The following ROR2 variants were observed in gnomAD, a reference collection of about 807,000 sequenced individuals.
The protein encoded by ROR2 is ROR family WNT receptor 2.
ROR2 carries 33 observed loss-of-function variants against 74.9 expected under a neutral mutation model. The ratio of observed to expected loss-of-function variants is 0.44; its 90% confidence interval spans 0.33 to 0.59. The LOEUF (loss-of-function observed/expected upper bound fraction) is 0.59. Among genes scored for constraint, ROR2 ranks in the 20% least tolerant of loss-of-function variants. The pLI, the probability that ROR2 is intolerant of heterozygous loss-of-function variation, is 0.02. For synonymous variants in ROR2, 586 were observed against 558.7 expected (o/e 1.05, Z -0.69); for missense variants, 1,216 against 1,313.8 (o/e 0.93, Z 1.15).
At position 91,740,394 on chromosome 9, in the gene ROR2, A is replaced by C. The variant is rs756518468; in HGVS notation, c.495-2876T>G. 9.2e-4 allele frequency among the ~76,000 whole-genome samples: 140 copies of C among 151,894 alleles called. 1 individual carries two copies. Among genetic ancestry groups the C allele is most frequent in the Non-Finnish European group, 1.2e-3 (84 of 67,976 alleles). On this transcript the variant is annotated intron_variant, in intron 4 of 8. Transcript: ENST00000375708. ...AAACCCCATCTCTACTAAAAATACA[A>C]AAACAAAATTAGCCAGGCGTAGTGG...
intron 1 of ROR2, among the ~76,000 whole-genome samples, chr9:91,826,013 G>A (rs572777470): frequency 1.3e-5 from 2 of 152,250 alleles, no homozygotes; most frequent in Non-Finnish European, 1.5e-5. Context: ...GGGTGGCTTC[G>A]CCCCCCTGCC....
intron 1 of ROR2, among the ~76,000 whole-genome samples, chr9:91,799,486 G>A (rs1443593988): frequency 6.6e-6 from 1 of 152,172 alleles, no homozygotes; most frequent in Non-Finnish European, 1.5e-5. Context: ...CAGCTATAAC[G>A]GAGTCCAGCC....
chr9:91,806,750 C>T (rs1011569267), intron 1 of ROR2, among the ~76,000 whole-genome samples: 5 of 152,196 alleles, frequency 3.3e-5, no homozygotes, highest in East Asian at 1.9e-4. Context: ...CCACCACACC[C>T]GGCTAATTTT....
intron 1 of ROR2, among the ~76,000 whole-genome samples, chr9:91,806,065 C>T (rs572187182): frequency 5.4e-4 from 82 of 152,302 alleles, no homozygotes; most frequent in Non-Finnish European, 1.0e-3. Context: ...CAAGGTAGAA[C>T]CGGCTGCTTT....
At position 91,885,253 on chromosome 9, in the gene ROR2, A is replaced by G. The variant is rs917742399; in HGVS notation, c.97+64614T>C. On this transcript the variant is annotated intron_variant, in intron 1 of 8. Coordinates refer to ENST00000375708, the MANE Select transcript of ROR2 (RefSeq NM_004560.4). ...CAGAGAACAAAGCGGGAAGGCAAACAAAGAGCAAAGGGCACCGGAAAACTT... is the reference window on the plus strand; with the variant it reads ...CAGAGAACAAAGCGGGAAGGCAAACGAAGAGCAAAGGGCACCGGAAAACTT... Among the ~76,000 whole-genome samples, 6 of 152,296 alleles carry G rather than the reference A, an allele frequency of 3.9e-5. No individual in the cohort carries two copies. In the East Asian group the frequency reaches 1.2e-3, roughly 29 times the overall value.
rs1288712903 is a variant in ROR2 at position 91,934,678 on chromosome 9, C to T, written c.97+15189G>A. On this transcript the variant is annotated intron_variant, in intron 1 of 8. Transcript: ENST00000375708. ...TGTGTGGTTGGTCAACTATGAGAAA[C>T]TTGACTTAGTTCTTTTAAAATTATT... Among the ~76,000 whole-genome samples, 16 of 150,260 alleles carry T rather than the reference C, an allele frequency of 1.1e-4. No homozygotes were observed. In the Admixed American group the frequency reaches 1.1e-3, roughly 10 times the overall value.
At position 91,724,921 on chromosome 9, in the gene ROR2, C is replaced by T. The variant is rs751534731; in HGVS notation, c.1573G>A (p.Ala525Thr). 8.1e-6 allele frequency: 13 copies of T among 1,612,040 alleles called. No individual in the cohort carries two copies. The South Asian group carries it at 1.4e-4, about 18-fold the overall frequency. The stretch of plus-strand genomic sequence containing the variant: ...TGTTGCAGCCGTGCTCGCAGCATAG[C>T]CTCATGCCGGAACTCCTCCCGCAGG... ...GPLREEFRHE[A>T]MLRARLQHPN... is the part of the protein sequence containing the mutation. Residue 525 changes from alanine (A) to threonine (T), a missense_variant, in exon 9 of 9, where the codon GCT (alanine) becomes ACT (threonine). Transcript: ENST00000375708.
At chr9:91,888,349 C>G (rs1242186979) in intron 1 of ROR2, among the ~76,000 whole-genome samples, 1 of 152,164 alleles carries the variant, frequency 6.6e-6, no homozygotes, top group Non-Finnish European at 1.5e-5. Flanking sequence ...ACTACAAACA[C>G]CACTGCTCAA....
intron 3 of ROR2, 77 bp from the exon 4 acceptor site, chr9:91,756,178 G>A: frequency 6.8e-7 from 1 of 1,461,098 alleles, no homozygotes; most frequent in Non-Finnish European, 9.6e-7. Flanking sequence ...TCAGGCCAGT[G>A]GCAAACAGGC....
chr9:91,897,567 T>TG (rs954734717), intron 1 of ROR2, among the ~76,000 whole-genome samples: 35 of 128,180 alleles, frequency 2.7e-4, no homozygotes, highest in African/African-American at 6.7e-4. Context: ...TGGAAGTGGG[T>TG]GGGGGGGTAT....
At chr9:91,776,968 T>C (rs1826441889) in intron 1 of ROR2, among the ~76,000 whole-genome samples, 1 of 152,198 alleles carries the variant, frequency 6.6e-6, no homozygotes, top group East Asian at 1.9e-4. Context: ...CAAGTCAGCT[T>C]CTAATTCAGA....
chr9:91,836,539 C>CAAAAAAAAAAAA lies in ROR2; in HGVS notation c.98-60733_98-60722dup, dbSNP rs753563302. Among the ~76,000 whole-genome samples, 54 of 102,472 alleles carry CAAAAAAAAAAAA rather than the reference C, an allele frequency of 5.3e-4. 2 individuals are homozygous for CAAAAAAAAAAAA. The highest frequency in any genetic ancestry group is 1.5e-3 in the African/African-American group (46 of 30,318). The allele number at this position is 102,472 out of a possible 152,430, so 67.2% of individuals were successfully genotyped here. A position where few individuals can be genotyped will look rare whatever the true frequency, so the allele number is the denominator to read the frequency against. ...TGGAAGACAGAGTGAGATTCCATCT[C>CAAAAAAAAAAAA]AAAAAAAAAAAAAAACAGTCTGCAG... is the stretch of plus-strand genomic sequence containing the variant. On this transcript the variant is annotated intron_variant, in intron 1 of 8. Transcript: ENST00000375708.
intron 1 of ROR2, chr9:91,948,610 G>T: frequency 1.0e-6 from 1 of 985,474 alleles, no homozygotes; most frequent in Non-Finnish European, 1.2e-6. Flanking sequence ...CGCGTACCTT[G>T]GGCCGGCTAG....
chr9:91,867,742 A>G (rs1162782436), intron 1 of ROR2, among the ~76,000 whole-genome samples: 1 of 150,746 alleles, frequency 6.6e-6, no homozygotes, highest in African/African-American at 2.5e-5. Flanking sequence ...ACTGCACAGC[A>G]GAACACCACC....
At chr9:91,786,599 A>C (rs1408133550) in intron 1 of ROR2, among the ~76,000 whole-genome samples, 1 of 152,134 alleles carries the variant, frequency 6.6e-6, no homozygotes, top group Non-Finnish European at 1.5e-5. Flanking sequence ...AAGGCCACCA[A>C]CCTCGCAAAC....
At chr9:91,839,795 G>T (rs1828729629) in intron 1 of ROR2, among the ~76,000 whole-genome samples, 1 of 151,796 alleles carries the variant, frequency 6.6e-6, no homozygotes, top group Non-Finnish European at 1.5e-5. Context: ...ATGTGTCCCG[G>T]GGGAGCCTCG....
intron 3 of ROR2, among the ~76,000 whole-genome samples, chr9:91,757,053 A>AG (rs1200959674): frequency 1.3e-5 from 2 of 152,092 alleles, no homozygotes; most frequent in African/African-American, 4.8e-5. Flanking sequence ...TACAGGCGTG[A>AG]GCCACCGTGC....
intron 1 of ROR2, among the ~76,000 whole-genome samples, chr9:91,825,051 T>C (rs185941679): frequency 6.6e-6 from 1 of 152,312 alleles, no homozygotes; most frequent in Non-Finnish European, 1.5e-5. Flanking sequence ...CTTTGTGGCC[T>C]TAAGTAAGCC....
chr9:91,741,949 C>A (rs768215352), intron 4 of ROR2, among the ~76,000 whole-genome samples: 2 of 152,122 alleles, frequency 1.3e-5, no homozygotes, highest in Admixed American at 1.3e-4. Flanking sequence ...AAATATAACC[C>A]GTGGTCAAGA....
Sources: allele counts gnomAD v4.1 joint callset (sites outside exome capture counted in the v4.1 genomes callset), GRCh38; gene constraint gnomAD v4.1.1; transcripts MANE v1.5; gene names NCBI Gene and HGNC (gene_info 2026-07-23, HGNC 2026-07-21).